Variants in GRIA3 observed in about 807,000 individuals in gnomAD.
The protein encoded by GRIA3 is glutamate ionotropic receptor AMPA type subunit 3, also known as glutamate receptor 3.
Under a neutral mutation model 63.0 loss-of-function variants are expected in GRIA3, and 3 were observed. The ratio of observed to expected loss-of-function variants is 0.05; its 90% CI spans 0.02 to 0.12. The LOEUF is 0.12. Ranked by LOEUF, GRIA3 falls within the 10% of genes least tolerant of loss-of-function variation. GRIA3 has a pLI of 1.00. For synonymous variants in GRIA3, 274 were observed against 257.9 expected, an observed-to-expected ratio of 1.06 and a Z score of -0.60; for missense variants, 347 against 700.9, an observed-to-expected ratio of 0.50 and a Z score of 5.70.
At chrX:123,218,808 G>A (rs771723307) in intron 2 of GRIA3, among the ~76,000 whole-genome samples, 96 of 111,176 alleles carry the variant, frequency 8.6e-4, no homozygotes, top group African/African-American at 3.0e-3. Context: ...AGGGCTCCCC[G>A]TGACTCCATG....
intron 3 of GRIA3, among the ~76,000 whole-genome samples, chrX:123,302,429 C>T (rs959082737): frequency 3.6e-5 from 4 of 111,608 alleles, no homozygotes; most frequent in Admixed American, 2.9e-4. Context: ...TTCTCTCCTC[C>T]CTGGTCTTTA....
chrX:123,208,649 C>T (rs529735531), intron 2 of GRIA3, among the ~76,000 whole-genome samples: 22 of 112,073 alleles, frequency 2.0e-4, no homozygotes, highest in African/African-American at 6.5e-4. Context: ...GAATCATAGG[C>T]TGATTGAATC....
In GRIA3 at chrX:123,464,738, T is replaced by C. The variant is rs1603172180; in HGVS notation, c.2077-127T>C. On this transcript the variant is annotated intron_variant, in intron 12 of 15. Transcript: ENST00000620443. ...ATGTTTACGTATGTATGAACGTGCCTACTAGGTTGCAGTGTAACGTGTTTT... is the reference window on the plus strand; with the variant it reads ...ATGTTTACGTATGTATGAACGTGCCCACTAGGTTGCAGTGTAACGTGTTTT... The C allele has an allele frequency of 1.0e-5, 6 of 572,956 alleles. No individual in the cohort carries two copies. In the East Asian group the frequency reaches 2.0e-4, roughly 19 times the overall value. 47.2% of individuals were successfully genotyped at this position (572,956 alleles called of 1,213,427 possible). A position where few individuals can be genotyped will look rare whatever the true frequency, so the allele number is the denominator to read the frequency against.
At chrX:123,199,912 T>C (rs915782245) in intron 2 of GRIA3, among the ~76,000 whole-genome samples, 1 of 111,648 alleles carries the variant, frequency 9.0e-6, no homozygotes, top group Non-Finnish European at 1.9e-5. Context: ...CTGGATCAAG[T>C]AGTTTTAATC....
chrX:123,475,268 T>C (rs145884828), intron 13 of GRIA3, among the ~76,000 whole-genome samples: 33 of 112,365 alleles, frequency 2.9e-4, no homozygotes, highest in African/African-American at 1.0e-3. Flanking sequence ...TTAGACAAAA[T>C]AGAACAAAGA....
intron 12 of GRIA3, among the ~76,000 whole-genome samples, chrX:123,441,855 C>A (rs1330954500): frequency 1.8e-5 from 2 of 110,562 alleles, no homozygotes; most frequent in Non-Finnish European, 3.8e-5. Context: ...CAATTAAGTA[C>A]TTATGATTAG....
chrX:123,221,927 G>T (rs961145724), intron 2 of GRIA3, among the ~76,000 whole-genome samples: 2 of 111,181 alleles, frequency 1.8e-5, no homozygotes, highest in African/African-American at 6.6e-5. Context: ...CAAACCCTTG[G>T]GTGATAGTGA....
At chrX:123,451,540 A>AAAAC (rs2045731893) in intron 12 of GRIA3, among the ~76,000 whole-genome samples, 3 of 97,118 alleles carry the variant, frequency 3.1e-5, no homozygotes, top group Non-Finnish European at 4.1e-5. Context: ...AAAAAAAAAA[A>AAAAC]TTAATTCAAT....
chrX:123,457,068 T>C (rs1178081659), intron 12 of GRIA3, among the ~76,000 whole-genome samples: 1 of 111,845 alleles, frequency 8.9e-6, no homozygotes, highest in Admixed American at 9.5e-5. Flanking sequence ...ACAATAAACT[T>C]AGAGACAGCA....
intron 2 of GRIA3, chrX:123,202,707 T>C (rs1927777585): frequency 1.7e-6 from 2 of 1,164,625 alleles, no homozygotes; most frequent in South Asian, 3.8e-5. Context: ...TCTGCCGTGC[T>C]GCAAAGATCA....
rs138556752 is a variant in GRIA3 at position 123,243,405 on chromosome X, A to T, written c.269-9898A>T. ...TCCTCTACCAGATTCATCTTGCATT[A>T]TCCTCTTCCTCACTGGCCATGTTCC... On this transcript the variant is annotated intron_variant, in intron 2 of 15. Coordinates refer to ENST00000620443, the MANE Select transcript of GRIA3 (RefSeq NM_007325.5). 2.9e-4 allele frequency among the ~76,000 whole-genome samples: 32 copies of T among 111,502 alleles called. No homozygotes were observed. In the East Asian group the frequency reaches 9.1e-3, roughly 32 times the overall value.
chrX:123,456,618 A>T (rs751514431), intron 12 of GRIA3, among the ~76,000 whole-genome samples: 2 of 110,750 alleles, frequency 1.8e-5, no homozygotes, highest in East Asian at 5.7e-4. Flanking sequence ...CTAGTAGGAC[A>T]TGCAAGCACA....
At chrX:123,260,433 A>G (rs2044447402) in intron 3 of GRIA3, among the ~76,000 whole-genome samples, 1 of 14,818 alleles carries the variant, frequency 6.7e-5, no homozygotes, top group African/African-American at 1.9e-4. Context: ...AGACAGAAAG[A>G]AAGAAAGAAA....
chrX:123,214,483 T>G (rs1004232536), intron 2 of GRIA3, among the ~76,000 whole-genome samples: 1 of 111,779 alleles, frequency 8.9e-6, no homozygotes, highest in Non-Finnish European at 1.9e-5. Context: ...TTACATAAAT[T>G]TATCCCTAAA....
chrX:123,346,787 C>T, intron 4 of GRIA3, among the ~76,000 whole-genome samples: 1 of 112,119 alleles, frequency 8.9e-6, no homozygotes, highest in East Asian at 2.8e-4. Flanking sequence ...GTTACTGTGA[C>T]CTCTGTATCT....
chrX:123,367,916 G>A (rs1158719639), intron 5 of GRIA3, among the ~76,000 whole-genome samples: 1 of 112,202 alleles, frequency 8.9e-6, no homozygotes, highest in Non-Finnish European at 1.9e-5. Context: ...GTAAAAACTT[G>A]TAAAATCGTT....
At chrX:123,236,706 G>A (rs2044303946) in intron 2 of GRIA3, among the ~76,000 whole-genome samples, 1 of 110,804 alleles carries the variant, frequency 9.0e-6, no homozygotes, top group Non-Finnish European at 1.9e-5. Flanking sequence ...GTATGCTAGA[G>A]AGGAGATAGA....
At chrX:123,218,871 A>C (rs1348793317) in intron 2 of GRIA3, among the ~76,000 whole-genome samples, 1 of 112,025 alleles carries the variant, frequency 8.9e-6, no homozygotes, top group Non-Finnish European at 1.9e-5. Context: ...TCTGCTTTCC[A>C]AAGTGACAGC....
At chrX:123,429,138 G>T (rs1319398548) in intron 12 of GRIA3, among the ~76,000 whole-genome samples, 5 of 111,561 alleles carry the variant, frequency 4.5e-5, no homozygotes, top group Non-Finnish European at 9.4e-5. Flanking sequence ...TCAAGTTATT[G>T]GATGACAGAT....
Sources: allele counts gnomAD v4.1 joint callset (sites outside exome capture counted in the v4.1 genomes callset), GRCh38; gene constraint gnomAD v4.1.1; transcripts MANE v1.5; gene names NCBI Gene and HGNC (gene_info 2026-07-23, HGNC 2026-07-21).